Variants in PARD3 observed in about 807,000 individuals in gnomAD.
The protein encoded by PARD3 is par-3 family cell polarity regulator.
In PARD3, 75 loss-of-function variants were observed where a neutral mutation model predicts 155.4. That is an observed-to-expected ratio of 0.48 (90% CI 0.40 to 0.58). The LOEUF (loss-of-function observed/expected upper bound fraction) is 0.58. Among genes scored for constraint, PARD3 ranks in the 20% least tolerant of loss-of-function variants. The pLI is 0.00. For synonymous variants in PARD3, 576 were observed against 610.5 expected (o/e 0.94, Z 0.83); for missense variants, 1,642 against 1,721.7 (o/e 0.95, Z 0.82).
intron 1 of PARD3, among the ~76,000 whole-genome samples, chr10:34,697,104 GA>G (rs11440199): frequency 2.6e-5 from 4 of 150,952 alleles, no homozygotes; most frequent in African/African-American, 9.8e-5. Flanking sequence ...TGAGGAGAAG[GA>G]AAAAAAAGGA....
At chr10:34,478,517 G>A (rs532719598) in intron 3 of PARD3, among the ~76,000 whole-genome samples, 2 of 152,256 alleles carry the variant, frequency 1.3e-5, no homozygotes, top group South Asian at 2.1e-4. Flanking sequence ...ACATAAGGAG[G>A]GAAAATAAAG....
At chr10:34,521,771 C>T (rs2082162781) in intron 2 of PARD3, among the ~76,000 whole-genome samples, 1 of 152,166 alleles carries the variant, frequency 6.6e-6, no homozygotes, top group Non-Finnish European at 1.5e-5. Flanking sequence ...CACAGAAATG[C>T]TTATAAAACC....
chr10:34,691,111 G>A (rs2094051308), intron 2 of PARD3, among the ~76,000 whole-genome samples: 1 of 152,158 alleles, frequency 6.6e-6, no homozygotes, highest in African/African-American at 2.4e-5. Flanking sequence ...AACTACTCAA[G>A]AGGTGAGGTG....
intron 2 of PARD3, among the ~76,000 whole-genome samples, chr10:34,693,657 C>T (rs539206434): frequency 9.9e-5 from 15 of 152,230 alleles, no homozygotes; most frequent in Middle Eastern, 3.4e-3. Flanking sequence ...CCCTATGACA[C>T]TCAATTTACC....
intron 4 of PARD3, among the ~76,000 whole-genome samples, chr10:34,455,207 ATTT>A (rs372938314): frequency 6.6e-6 from 1 of 151,932 alleles, no homozygotes; most frequent in South Asian, 2.1e-4. Flanking sequence ...CAAAAATCTC[ATTT>A]TTTTTAAGAA....
intron 22 of PARD3, among the ~76,000 whole-genome samples, chr10:34,139,725 T>C (rs1398372163): frequency 1.3e-5 from 2 of 152,206 alleles, no homozygotes; most frequent in Non-Finnish European, 2.9e-5. Flanking sequence ...TGTGATGTCA[T>C]CCATGGATGT....
At position 34,482,928 on chromosome 10, in the gene PARD3, C is replaced by A. The variant is rs190519159; in HGVS notation, c.404-12665G>T. 1.3e-3 allele frequency among the ~76,000 whole-genome samples: 195 copies of A among 151,938 alleles called. 2 individuals carry two copies. The highest frequency in any genetic ancestry group is 4.5e-3 in the African/African-American group (188 of 41,420). ...CTTTGGGAGGCCAAGGCGGGCAGATCACCTGAGGTCGGGAGTTCAAGACCA... is the reference window on the plus strand; with the variant it reads ...CTTTGGGAGGCCAAGGCGGGCAGATAACCTGAGGTCGGGAGTTCAAGACCA... On this transcript the variant is annotated intron_variant, in intron 3 of 24. Coordinates refer to ENST00000374788, the MANE Select transcript of PARD3 (RefSeq NM_001184785.2).
At chr10:34,282,319 C>A (rs1956198436) in intron 21 of PARD3, among the ~76,000 whole-genome samples, 2 of 152,044 alleles carry the variant, frequency 1.3e-5, no homozygotes, top group Admixed American at 6.6e-5. Context: ...TTTTAGGCCT[C>A]CTGTACATTG....
chr10:34,480,781 C>T (rs1312143694), intron 3 of PARD3, among the ~76,000 whole-genome samples: 1 of 149,118 alleles, frequency 6.7e-6, no homozygotes, highest in African/African-American at 2.5e-5. Context: ...GGTACATCTG[C>T]AGGTTTCTTT....
At position 34,450,419 on chromosome 10, in the gene PARD3, C is replaced by T. The variant is rs950812869; in HGVS notation, c.612G>A (p.Arg204=). 1.7e-5 allele frequency: 28 copies of T among 1,613,236 alleles called. No individual in the cohort carries two copies. The highest frequency in any genetic ancestry group is 2.1e-5 in the Non-Finnish European group (25 of 1,179,750). ...ATTGGTTAGACCAGTTACTAGTATCCCGCGGGAGGCTTCTGTAGTTTTCAT... is the reference window on the plus strand; with the variant it reads ...ATTGGTTAGACCAGTTACTAGTATCTCGCGGGAGGCTTCTGTAGTTTTCAT... ...KKDENYRSLP[R]DTSNWSNQFQ... is the part of the protein sequence containing the mutation. Residue 204 remains arginine, a synonymous_variant, in exon 5 of 25, where the codon CGG becomes CGA. Coordinates refer to ENST00000374788, the MANE Select transcript of PARD3 (RefSeq NM_001184785.2).
chr10:34,360,877 T>C (rs1254889166), intron 12 of PARD3, among the ~76,000 whole-genome samples: 1 of 152,176 alleles, frequency 6.6e-6, no homozygotes, highest in East Asian at 1.9e-4. Context: ...AGCTGGTAAA[T>C]ATTATTCAGG....
chr10:34,715,020 C>A (rs1048571815), intron 1 of PARD3, among the ~76,000 whole-genome samples: 9 of 151,764 alleles, frequency 5.9e-5, no homozygotes, highest in Admixed American at 5.3e-4. Context: ...GATACACCCA[C>A]CTCAGCCTCC....
chr10:34,431,581 A>G (rs948463887), intron 5 of PARD3, among the ~76,000 whole-genome samples: 7 of 151,698 alleles, frequency 4.6e-5, no homozygotes, highest in Non-Finnish European at 1.0e-4. Flanking sequence ...TCTCTTCTAA[A>G]AATACAAAAT....
chr10:34,391,385 C>A (rs1196835557), intron 7 of PARD3, among the ~76,000 whole-genome samples: 1 of 151,994 alleles, frequency 6.6e-6, no homozygotes, highest in African/African-American at 2.4e-5. Context: ...TCCAGCAGAG[C>A]GAAGGGAGAA....
At chr10:34,237,838 G>T (rs867034093) in intron 22 of PARD3, among the ~76,000 whole-genome samples, 1 of 152,114 alleles carries the variant, frequency 6.6e-6, no homozygotes, top group Non-Finnish European at 1.5e-5. Context: ...TTTTATATGC[G>T]TCTCCTGGCT....
rs575292464 is a variant in PARD3 at position 34,165,167 on chromosome 10, T to C, written c.3420-33584A>G. ...GAGAAACGGGGAAAACTTGTCAGAC[T>C]CATCCTTATAAAACCCTTTGCACCT... On this transcript the variant is annotated intron_variant, in intron 22 of 24. Coordinates refer to ENST00000374788, the MANE Select transcript of PARD3 (RefSeq NM_001184785.2). Among the ~76,000 whole-genome samples the C allele has an allele frequency of 1.4e-3, 206 of 152,294 alleles. 2 individuals carry two copies. The highest frequency in any genetic ancestry group is 4.8e-3 in the African/African-American group (201 of 41,556).
At chr10:34,681,320 C>T (rs1054527251) in intron 2 of PARD3, among the ~76,000 whole-genome samples, 26 of 152,036 alleles carry the variant, frequency 1.7e-4, no homozygotes, top group Non-Finnish European at 3.5e-4. Context: ...AAAAGCAAAT[C>T]TAGTCCTTCA....
chr10:34,336,261 T>C lies in PARD3; in HGVS notation c.2561-18A>G. 1 of 1,604,344 alleles carries C rather than the reference T, an allele frequency of 6.2e-7. No homozygotes were observed. Among genetic ancestry groups the C allele is most frequent in the Non-Finnish European group, 8.5e-7 (1 of 1,172,174 alleles). On this transcript the variant is annotated intron_variant, in intron 17 of 24. Transcript: ENST00000374788. ...GTCAGCTACTGTTAAAAGGTAAATG[T>C]ATAATAGTTAGCCCAGTTAGTTCCC...
chr10:34,748,620 G>A (rs1318883145), intron 1 of PARD3, among the ~76,000 whole-genome samples: 3 of 151,750 alleles, frequency 2.0e-5, no homozygotes, highest in African/African-American at 7.3e-5. Flanking sequence ...CAAACCCCCT[G>A]TAGCAAACTC....
Sources: allele counts gnomAD v4.1 joint callset (sites outside exome capture counted in the v4.1 genomes callset), GRCh38; gene constraint gnomAD v4.1.1; transcripts MANE v1.5; gene names NCBI Gene and HGNC (gene_info 2026-07-23, HGNC 2026-07-21).